GRIA1: variants seen among roughly 807,000 people sequenced by gnomAD.
GRIA1 encodes glutamate ionotropic receptor AMPA type subunit 1.
Under a neutral mutation model 99.2 loss-of-function variants are expected in GRIA1, and 31 were observed. The ratio of observed to expected loss-of-function variants is 0.31; its 90% CI spans 0.23 to 0.42. The LOEUF (loss-of-function observed/expected upper bound fraction) is 0.42, where lower values mean the gene tolerates loss of function less well. Among genes scored for constraint, GRIA1 ranks in the 10% least tolerant of loss-of-function variants. The pLI is 1.00. For synonymous variants in GRIA1, 438 were observed against 432.4 expected (o/e 1.01, Z -0.16); for missense variants, 782 against 1,157.5 (o/e 0.68, Z 4.71).
At chr5:153,735,276 C>T (rs915866333) in intron 11 of GRIA1, among the ~76,000 whole-genome samples, 4 of 152,096 alleles carry the variant, frequency 2.6e-5, no homozygotes, top group African/African-American at 4.8e-5. Flanking sequence ...TTTATTCGGC[C>T]GTGAGCGTCA....
At chr5:153,598,203 T>A (rs1433245251) in intron 2 of GRIA1, among the ~76,000 whole-genome samples, 1 of 152,006 alleles carries the variant, frequency 6.6e-6, no homozygotes, top group Non-Finnish European at 1.5e-5. Context: ...TCAAATATAC[T>A]AAGTCTTGTC....
chr5:153,750,834 AT>A (rs1762466517), intron 11 of GRIA1, among the ~76,000 whole-genome samples: 1 of 152,192 alleles, frequency 6.6e-6, no homozygotes, highest in South Asian at 2.1e-4. Flanking sequence ...ATGGTGGCTT[AT>A]GCCTGTAATC....
At chr5:153,676,938 A>C in intron 6 of GRIA1, 56 bp from the exon 7 acceptor site, 1 of 1,319,644 alleles carries the variant, frequency 7.6e-7, no homozygotes, top group Admixed American at 2.9e-5. Context: ...CAGCACCCAA[A>C]CCTGCCTTCC....
intron 2 of GRIA1, among the ~76,000 whole-genome samples, chr5:153,516,816 T>C (rs1362048535): frequency 6.6e-6 from 1 of 151,970 alleles, no homozygotes; most frequent in East Asian, 1.9e-4. Context: ...AGCGTTCCCA[T>C]GCCAACTGAG....
intron 2 of GRIA1, among the ~76,000 whole-genome samples, chr5:153,554,818 T>A (rs574372822): frequency 6.6e-6 from 1 of 152,322 alleles, no homozygotes; most frequent in South Asian, 2.1e-4. Flanking sequence ...TTCAGAAAAC[T>A]CATCCAAGTG....
At chr5:153,807,696 AC>A (rs1447318890) in intron 15 of GRIA1, among the ~76,000 whole-genome samples, 1 of 152,226 alleles carries the variant, frequency 6.6e-6, no homozygotes, top group Non-Finnish European at 1.5e-5. Flanking sequence ...AAATTGTCAT[AC>A]AACAGCAGAA....
At chr5:153,491,102 G>A in intron 1 of GRIA1, 132 bp downstream of exon 1, 1 of 1,061,804 alleles carries the variant, frequency 9.4e-7, no homozygotes, top group Middle Eastern at 3.1e-4. Flanking sequence ...TGCGGTAACA[G>A]AAGGGAGACT....
At chr5:153,669,321 T>C (rs1755977471) in intron 5 of GRIA1, among the ~76,000 whole-genome samples, 1 of 152,224 alleles carries the variant, frequency 6.6e-6, no homozygotes, top group Non-Finnish European at 1.5e-5. Context: ...TAAAGTTATA[T>C]AATGCATACA....
chr5:153,776,607 T>C (rs1764268840), intron 13 of GRIA1, among the ~76,000 whole-genome samples: 1 of 152,192 alleles, frequency 6.6e-6, no homozygotes, highest in African/African-American at 2.4e-5. Context: ...TCACATGAGC[T>C]CAGAATTGTT....
chr5:153,801,488 C>T (rs1173654873), intron 14 of GRIA1, among the ~76,000 whole-genome samples: 1 of 152,230 alleles, frequency 6.6e-6, no homozygotes, highest in Non-Finnish European at 1.5e-5. Flanking sequence ...GGCCACCTCC[C>T]ACTAGACATG....
intron 3 of GRIA1, among the ~76,000 whole-genome samples, chr5:153,647,373 C>T (rs1754229999): frequency 6.6e-6 from 1 of 152,110 alleles, no homozygotes; most frequent in South Asian, 2.1e-4. Flanking sequence ...CTTAATGCAC[C>T]ATGTCACTCT....
At chr5:153,559,064 T>G (rs1398574548) in intron 2 of GRIA1, among the ~76,000 whole-genome samples, 1 of 152,178 alleles carries the variant, frequency 6.6e-6, no homozygotes, top group Non-Finnish European at 1.5e-5. Context: ...TCTTTCCCTT[T>G]CCGGGACCTT....
chr5:153,686,240 T>C lies in GRIA1; in HGVS notation c.1045T>C (p.Leu349=). The C allele has an allele frequency of 6.2e-7, 1 of 1,613,800 alleles. No individual in the cohort carries two copies. The highest frequency in any genetic ancestry group is 8.5e-7 in the Non-Finnish European group (1 of 1,179,704). The change falls in exon 8 of 16, where the codon TTA becomes CTA. Residue 349 remains leucine (L), a synonymous_variant. Coordinates refer to ENST00000285900, the MANE Select transcript of GRIA1 (RefSeq NM_000827.4). ...TGTTTTCCAGGTGCGATTTGAAGGTTTAACAGGAAACGTGCAGTTTAATGA... is the reference window on the plus strand; with the variant it reads ...TGTTTTCCAGGTGCGATTTGAAGGTCTAACAGGAAACGTGCAGTTTAATGA... ...RALQQVRFEG[L]TGNVQFNEKG... is the part of the protein sequence containing the mutation.
chr5:153,573,377 C>T (rs1353036347), intron 2 of GRIA1: 2 of 152,176 alleles, frequency 1.3e-5, no homozygotes, highest in African/African-American at 4.8e-5. Context: ...AAATACAACT[C>T]ACCTACTAGA....
At chr5:153,769,010 G>A (rs1454153224) in intron 12 of GRIA1, among the ~76,000 whole-genome samples, 2 of 152,146 alleles carry the variant, frequency 1.3e-5, no homozygotes, top group African/African-American at 2.4e-5. Context: ...CCTACCATGT[G>A]CAAGGTACTC....
intron 2 of GRIA1, among the ~76,000 whole-genome samples, chr5:153,540,228 G>C (rs1758947308): frequency 6.6e-6 from 1 of 152,208 alleles, no homozygotes; most frequent in Non-Finnish European, 1.5e-5. Flanking sequence ...CTGCAGAAAG[G>C]CTTAGCGAGA....
intron 11 of GRIA1, among the ~76,000 whole-genome samples, chr5:153,736,321 A>G (rs1186781239): frequency 6.6e-6 from 1 of 152,240 alleles, no homozygotes; most frequent in African/African-American, 2.4e-5. Flanking sequence ...CCTTTTTATC[A>G]AAATGCATAT....
At chr5:153,792,253 T>G (rs1241783223) in intron 13 of GRIA1, among the ~76,000 whole-genome samples, 2 of 152,194 alleles carry the variant, frequency 1.3e-5, no homozygotes, top group Non-Finnish European at 2.9e-5. Context: ...CCTCACCCAT[T>G]GTGGGAGATG....
At chr5:153,694,462 C>A (rs554526066) in intron 8 of GRIA1, among the ~76,000 whole-genome samples, 2 of 152,182 alleles carry the variant, frequency 1.3e-5, no homozygotes, top group Non-Finnish European at 2.9e-5. Flanking sequence ...GTATAGAAAC[C>A]TGTTAACCTT....
Sources: gnomAD v4.1 joint callset for allele counts (sites outside exome capture counted in the v4.1 genomes callset) on GRCh38, gnomAD v4.1.1 for gene constraint, MANE v1.5 for transcripts, NCBI Gene and HGNC (gene_info 2026-07-23, HGNC 2026-07-21) for gene names.